The following TOP3A variants were observed in gnomAD, a reference collection of about 807,000 sequenced individuals.
TOP3A encodes the protein DNA topoisomerase III alpha.
TOP3A carries 64 observed loss-of-function variants against 111.3 expected under a neutral mutation model. The ratio of observed to expected loss-of-function variants is 0.57; its 90% confidence interval spans 0.47 to 0.71. TOP3A has a LOEUF of 0.71. TOP3A is among the 30% of genes least tolerant of loss of function. TOP3A has a pLI of 0.00. For synonymous variants in TOP3A, 484 were observed against 485.1 expected (o/e 1.00, Z 0.03); for missense variants, 1,104 against 1,285.0 (o/e 0.86, Z 2.15).
At chr17:18,312,870 A>G (rs1395261502) in intron 1 of TOP3A, 1 of 155,902 alleles carries the variant, frequency 6.4e-6, no homozygotes, top group African/African-American at 2.4e-5. Flanking sequence ...TAACCCTAAC[A>G]CTTTGGGAGG....
intron 8 of TOP3A, among the ~76,000 whole-genome samples, chr17:18,300,452 A>T (rs980179323): frequency 6.6e-6 from 1 of 152,006 alleles, no homozygotes; most frequent in Non-Finnish European, 1.5e-5. Flanking sequence ...TTAATCTTAA[A>T]ACCAGCTTCA....
intron 9 of TOP3A, among the ~76,000 whole-genome samples, chr17:18,298,510 G>T (rs1190872582): frequency 6.7e-6 from 1 of 150,196 alleles, no homozygotes; most frequent in Non-Finnish European, 1.5e-5. Flanking sequence ...CTACTGGGAA[G>T]TGAGGATCCC....
chr17:18,276,471 T>C (rs564119203), intron 18 of TOP3A, among the ~76,000 whole-genome samples: 1 of 152,360 alleles, frequency 6.6e-6, no homozygotes, highest in East Asian at 1.9e-4. Flanking sequence ...CCACAGTTTT[T>C]ACCAAACCTC....
chr17:18,300,752 C>T (rs141546004), intron 8 of TOP3A, among the ~76,000 whole-genome samples: 10 of 152,124 alleles, frequency 6.6e-5, no homozygotes, highest in African/African-American at 2.4e-4. Context: ...TGGGGTTTCA[C>T]TATGAAACCC....
chr17:18,313,765 T>C (rs3794770), intron 1 of TOP3A, among the ~76,000 whole-genome samples: 3,019 of 152,200 alleles, frequency 0.02, 136 homozygotes, highest in East Asian at 0.15. Flanking sequence ...CACACAACCC[T>C]GGCTCCACTC....
intron 11 of TOP3A, 122 bp downstream of exon 11, chr17:18,292,523 G>A: frequency 1.1e-6 from 1 of 934,432 alleles, no homozygotes; most frequent in East Asian, 2.8e-5. Context: ...ATTGTGAAAT[G>A]AGAGAGATCT....
At chr17:18,292,621 G>A (rs751461477) in intron 11 of TOP3A, 24 bp downstream of exon 11, 5 of 1,526,796 alleles carry the variant, frequency 3.3e-6, no homozygotes, top group Admixed American at 4.0e-5. Flanking sequence ...GGTTCCAGCA[G>A]GCAGTACATT....
At chr17:18,299,509 A>C (rs1981086483) in intron 9 of TOP3A, 50 bp downstream of exon 9, 3 of 1,562,940 alleles carry the variant, frequency 1.9e-6, no homozygotes, top group African/African-American at 2.7e-5. Context: ...CCACAGCCTC[A>C]AAACAGTAAG....
intron 9 of TOP3A, among the ~76,000 whole-genome samples, chr17:18,296,578 C>CA (rs1330065182): frequency 6.6e-6 from 1 of 152,034 alleles, no homozygotes; most frequent in Admixed American, 6.6e-5. Context: ...GACTCTGTCT[C>CA]AAAAAACAAA....
chr17:18,296,482 A>C (rs528474032), intron 9 of TOP3A, among the ~76,000 whole-genome samples: 2 of 152,264 alleles, frequency 1.3e-5, no homozygotes, highest in Admixed American at 1.3e-4. Context: ...CAGGAGGCTG[A>C]GGCAGGAGAC....
intron 17 of TOP3A, 55 bp downstream of exon 17, chr17:18,280,481 G>A (rs1597956561): frequency 1.3e-6 from 2 of 1,582,958 alleles, no homozygotes; most frequent in Admixed American, 3.5e-5. Flanking sequence ...CAGGAGCAAG[G>A]GAAAGATGGT....
intron 8 of TOP3A, 60 bp from the exon 9 acceptor site, chr17:18,299,693 C>T: frequency 1.4e-6 from 2 of 1,459,360 alleles, no homozygotes. Context: ...TCCATCCTTC[C>T]TATGGATAGC....
rs551660741 is a variant in TOP3A, at chr17:18,278,030, G to A, written c.2472C>T (p.Val824=). 34 of 1,614,190 alleles carry A rather than the reference G, an allele frequency of 2.1e-5. No homozygotes were observed. Among genetic ancestry groups the A allele is most frequent in the Admixed American group, 6.7e-5 (4 of 60,038 alleles). The change falls in exon 18 of 19, where the codon GTC becomes GTT. Residue 824 remains valine (V), a synonymous_variant. Transcript: ENST00000321105. The part of the protein sequence containing the change: ...NCGQEAVLLT[V]RKEGPNRGRQ... ...GGCCCCGGTTGGGGCCCTCCTTACG[G>A]ACAGTGAGCAGCACAGCCTCCTGGC...
Position 18,277,822 on chromosome 17 carries a change from C to T in TOP3A, c.2680G>A (p.Gly894Ser), listed in dbSNP as rs1979478470. The T allele has an allele frequency of 1.9e-6, 3 of 1,614,154 alleles. No homozygotes were observed. The highest frequency in any genetic ancestry group is 1.7e-5 in the Admixed American group (1 of 60,030). Residue 894 changes from glycine (G) to serine (S), a missense_variant, in exon 18 of 19, where the codon GGC (glycine) becomes AGC (serine). Gly to Ser is a moderately conservative substitution (Grantham distance 56). Coordinates refer to ENST00000321105, the MANE Select transcript of TOP3A (RefSeq NM_004618.5). ...GGCTGGCTGCAAAGGCAGGATGTGC[C>T]ACTACCACTGCCATCACCAGGGTTG... ...FGNPGDGSGS[G>S]TSCLCSQPSV...
intron 4 of TOP3A, among the ~76,000 whole-genome samples, chr17:18,305,500 GCGCGCA>G (rs1212233649): frequency 2.7e-5 from 4 of 146,810 alleles, no homozygotes; most frequent in African/African-American, 1.1e-4. Flanking sequence ...GCGCGCGCGC[GCGCGCA>G]CGCACACTTC....
At chr17:18,308,030 G>A (rs958295961) in intron 3 of TOP3A, among the ~76,000 whole-genome samples, 4 of 151,304 alleles carry the variant, frequency 2.6e-5, no homozygotes, top group African/African-American at 7.3e-5. Flanking sequence ...TGGTCAACAT[G>A]GTGAAACCCT....
At chr17:18,277,186 A>AG (rs11436009) in intron 18 of TOP3A, among the ~76,000 whole-genome samples, 2 of 15,002 alleles carry the variant, frequency 1.3e-4, no homozygotes, top group African/African-American at 1.6e-3. Flanking sequence ...CTCAGTCTCC[A>AG]AAAAAAAAAA....
intron 9 of TOP3A, among the ~76,000 whole-genome samples, chr17:18,296,562 G>C (rs1350876651): frequency 6.6e-6 from 1 of 152,138 alleles, no homozygotes. Flanking sequence ...CCTGGCGACA[G>C]AGCAAGACTC....
chr17:18,299,164 G>A (rs1981062310), intron 9 of TOP3A, among the ~76,000 whole-genome samples: 2 of 152,136 alleles, frequency 1.3e-5, no homozygotes, highest in Admixed American at 6.5e-5. Context: ...GGTGGCTTAT[G>A]CCTGTAATCC....
Sources: allele counts gnomAD v4.1 joint callset (sites outside exome capture counted in the v4.1 genomes callset), GRCh38; gene constraint gnomAD v4.1.1; transcripts MANE v1.5; gene names NCBI Gene and HGNC (gene_info 2026-07-23, HGNC 2026-07-21).